The following TWSG1 variants were observed in gnomAD, a reference collection of about 807,000 sequenced individuals.
TWSG1 encodes twisted gastrulation BMP signaling modulator 1, also known as twisted gastrulation protein homolog 1.
A neutral mutation model predicts 23.0 loss-of-function variants in TWSG1; 15 were observed. That is an observed-to-expected ratio of 0.65 (90% CI 0.44 to 1.00). The LOEUF is 1.00. Among genes scored for constraint, TWSG1 ranks in the 50% least tolerant of loss-of-function variants. The pLI is 0.00. For missense variants in TWSG1, 242 were observed against 278.7 expected, an observed-to-expected ratio of 0.87 and a Z score of 0.94; for synonymous variants, 86 against 92.8, an observed-to-expected ratio of 0.93 and a Z score of 0.42.
intron 3 of TWSG1, among the ~76,000 whole-genome samples, chr18:9,366,673 G>A (rs1008462969): frequency 2.6e-5 from 4 of 152,080 alleles, no homozygotes; most frequent in Admixed American, 1.3e-4. Context: ...GTCTTGCTTC[G>A]CTCTAACATG....
intron 3 of TWSG1, among the ~76,000 whole-genome samples, chr18:9,389,580 C>T (rs1225572322): frequency 6.6e-6 from 1 of 152,140 alleles, no homozygotes; most frequent in Non-Finnish European, 1.5e-5. Flanking sequence ...TCAAGTTCAG[C>T]TGTATTGAAA....
intron 3 of TWSG1, among the ~76,000 whole-genome samples, chr18:9,360,735 A>G (rs537979106): frequency 1.3e-5 from 2 of 152,274 alleles, no homozygotes; most frequent in African/African-American, 4.8e-5. Context: ...GATCTTTTTT[A>G]CATTATCCTT....
At chr18:9,371,979 C>T (rs2040607626) in intron 3 of TWSG1, among the ~76,000 whole-genome samples, 2 of 151,840 alleles carry the variant, frequency 1.3e-5, no homozygotes, top group Admixed American at 1.3e-4. Flanking sequence ...GTTGGCCAGA[C>T]TGGTCTCGAA....
intron 3 of TWSG1, among the ~76,000 whole-genome samples, chr18:9,364,533 G>A (rs534964572): frequency 7.2e-5 from 11 of 152,074 alleles, no homozygotes; most frequent in African/African-American, 1.9e-4. Context: ...TGGCTCACGC[G>A]TATAATCCCA....
At chr18:9,345,489 A>G (rs1445950398) in intron 2 of TWSG1, among the ~76,000 whole-genome samples, 2 of 152,136 alleles carry the variant, frequency 1.3e-5, no homozygotes, top group African/African-American at 4.8e-5. Context: ...ATTATTTTGT[A>G]TATGGATATC....
intron 2 of TWSG1, among the ~76,000 whole-genome samples, chr18:9,347,982 G>A (rs1048458951): frequency 2.0e-5 from 3 of 151,888 alleles, no homozygotes; most frequent in Non-Finnish European, 2.9e-5. Flanking sequence ...TTATGTGTCA[G>A]GATTTCTTCA....
chr18:9,371,453 T>C (rs1446944325), intron 3 of TWSG1, among the ~76,000 whole-genome samples: 3 of 151,998 alleles, frequency 2.0e-5, no homozygotes, highest in East Asian at 3.9e-4. Flanking sequence ...CGTGCCACCA[T>C]GCCTGGCTAA....
At chr18:9,341,601 GT>G (rs2040446490) in intron 2 of TWSG1, among the ~76,000 whole-genome samples, 1 of 151,982 alleles carries the variant, frequency 6.6e-6, no homozygotes, top group African/African-American at 2.4e-5. Context: ...AACAGATAAG[GT>G]CATAGCTCAT....
At chr18:9,336,199 C>T (rs527669902) in intron 1 of TWSG1, among the ~76,000 whole-genome samples, 14 of 152,120 alleles carry the variant, frequency 9.2e-5, no homozygotes, top group African/African-American at 3.4e-4. Context: ...CGAGACCAGC[C>T]TGGCCAATAT....
intron 3 of TWSG1, among the ~76,000 whole-genome samples, chr18:9,389,293 A>C (rs529386636): frequency 6.6e-6 from 1 of 152,240 alleles, no homozygotes; most frequent in East Asian, 1.9e-4. Context: ...TTTATTTATA[A>C]ATTTGGCAGA....
chr18:9,364,630 C>G (rs987575903), intron 3 of TWSG1, among the ~76,000 whole-genome samples: 1 of 151,816 alleles, frequency 6.6e-6, no homozygotes, highest in Non-Finnish European at 1.5e-5. Context: ...CCCGTCACTA[C>G]TAAAAATACA....
chr18:9,383,942 T>C (rs2040670771), intron 3 of TWSG1, among the ~76,000 whole-genome samples: 1 of 152,118 alleles, frequency 6.6e-6, no homozygotes, highest in African/African-American at 2.4e-5. Flanking sequence ...ACAAAGATAA[T>C]AGCCAAAAGG....
At chr18:9,392,737 T>C (rs1473071456) in intron 3 of TWSG1, among the ~76,000 whole-genome samples, 1 of 152,192 alleles carries the variant, frequency 6.6e-6, no homozygotes, top group Admixed American at 6.6e-5. Context: ...AATACTGGGT[T>C]ATTTGTTTGT....
chr18:9,393,220 G>A lies in TWSG1; in HGVS notation c.224-3060G>A, dbSNP rs141114309. 6.7e-3 allele frequency among the ~76,000 whole-genome samples: 1,015 copies of A among 152,252 alleles called. 6 individuals carry two copies. The highest frequency in any genetic ancestry group is 0.01 in the Middle Eastern group (3 of 294). On this transcript the variant is annotated intron_variant, in intron 3 of 4. Transcript: ENST00000262120. ...TCTATGAAGTCCAGTAAAATACAGC[G>A]CAATAAAATAAGGTATGCTTATATA...
At chr18:9,338,585 G>A (rs543405595) in intron 2 of TWSG1, among the ~76,000 whole-genome samples, 1 of 152,208 alleles carries the variant, frequency 6.6e-6, no homozygotes, top group East Asian at 1.9e-4. Context: ...ATAGCTATTA[G>A]ACCAATTTTA....
intron 3 of TWSG1, among the ~76,000 whole-genome samples, chr18:9,365,261 G>T (rs1197378982): frequency 1.3e-5 from 2 of 152,188 alleles, no homozygotes; most frequent in Non-Finnish European, 2.9e-5. Context: ...GGTCAAGGCT[G>T]CAGTGAGCTC....
Position 9,383,161 on chromosome 18 carries a change from G to A in TWSG1, c.224-13119G>A, listed in dbSNP as rs537552077. On this transcript the variant is annotated intron_variant, in intron 3 of 4. Transcript: ENST00000262120. ...AATGGAAACTCATTGGAGAGTGTAT[G>A]GTGGTGATATCCGAATTACACGTTT... is the stretch of plus-strand genomic sequence containing the variant. Among the ~76,000 whole-genome samples the A allele has an allele frequency of 2.0e-5, 3 of 150,546 alleles. No individual in the cohort carries two copies. In the East Asian group the frequency reaches 5.9e-4, roughly 30 times the overall value.
Position 9,396,323 on chromosome 18 carries a change from A to G in TWSG1, c.267A>G (p.Ser89=), listed in dbSNP as rs1346333667. The change falls in exon 4 of 5, where the codon TCA becomes TCG. Residue 89 remains serine (S), a synonymous_variant. Coordinates refer to ENST00000262120, the MANE Select transcript of TWSG1 (RefSeq NM_020648.6). ...ATTATAGTGACACACCTCCAACTTC[A>G]AAGAGCACAGTGGAGGAGCTGCATG... is the stretch of plus-strand genomic sequence containing the variant. The part of the protein sequence containing the change: ...PRNYSDTPPT[S]KSTVEELHEP... The G allele has an allele frequency of 5.6e-6, 9 of 1,614,038 alleles. No individual in the cohort carries two copies. In the African/African-American group the frequency reaches 1.1e-4, roughly 19 times the overall value.
chr18:9,359,386 A>G (rs926046675), intron 2 of TWSG1, among the ~76,000 whole-genome samples: 1 of 152,212 alleles, frequency 6.6e-6, no homozygotes, highest in Non-Finnish European at 1.5e-5. Context: ...AGTGAATCTC[A>G]GGATCACCTA....
Sources: allele counts gnomAD v4.1 joint callset (sites outside exome capture counted in the v4.1 genomes callset), GRCh38; gene constraint gnomAD v4.1.1; transcripts MANE v1.5; gene names NCBI Gene and HGNC (gene_info 2026-07-23, HGNC 2026-07-21).